Variants in NALCN observed in about 807,000 individuals in gnomAD.
NALCN encodes sodium leak channel, non-selective, also known as sodium leak channel NALCN.
A neutral mutation model predicts 225.3 loss-of-function variants in NALCN; 111 were observed. The observed-to-expected ratio is 0.49, with a 90% CI of 0.42 to 0.58. NALCN has a LOEUF of 0.58. Ranked by LOEUF, NALCN falls within the 20% of genes least tolerant of loss-of-function variation. The pLI is 0.00. For missense variants in NALCN, 1,378 were observed against 2,202.4 expected, an observed-to-expected ratio of 0.63 and a Z score of 7.49; for synonymous variants, 764 against 769.0, an observed-to-expected ratio of 0.99 and a Z score of 0.11.
At chr13:101,353,697 G>GTAT (rs1015145650) in intron 6 of NALCN, among the ~76,000 whole-genome samples, 3 of 152,134 alleles carry the variant, frequency 2.0e-5, no homozygotes, top group Admixed American at 6.5e-5. Context: ...GTAAAACTGA[G>GTAT]TATTTTAATA....
chr13:101,381,990 T>C (rs1022573387), intron 3 of NALCN, among the ~76,000 whole-genome samples: 3 of 152,164 alleles, frequency 2.0e-5, no homozygotes, highest in Non-Finnish European at 2.9e-5. Context: ...ATGTTAAAAT[T>C]GGAGCAATGA....
Position 101,176,284 on chromosome 13 carries a change from C to G in NALCN, c.1839+16G>C. The G allele has an allele frequency of 2.0e-6, 3 of 1,509,118 alleles. No homozygotes were observed. Among genetic ancestry groups the G allele is most frequent in the Non-Finnish European group, 2.6e-6 (3 of 1,134,552 alleles). The allele number at this position is 1,509,118 out of a possible 1,614,324, so 93.5% of individuals were successfully genotyped here. A position where few individuals can be genotyped will look rare whatever the true frequency, so the allele number is the denominator to read the frequency against. On this transcript the variant is annotated intron_variant, in intron 15 of 43. Coordinates refer to ENST00000251127, the MANE Select transcript of NALCN (RefSeq NM_052867.4). ...TTTTTGTCCTTTTTAAAAAAAATCCCCCACACACTACTTACTTGTTTAAGC... is the reference window on the plus strand; with the variant it reads ...TTTTTGTCCTTTTTAAAAAAAATCCGCCACACACTACTTACTTGTTTAAGC...
rs1194697441 is a variant in NALCN, at chr13:101,104,476, G to A, written c.2758-50C>T. The A allele has an allele frequency of 2.5e-6, 4 of 1,613,068 alleles. No homozygotes were observed. The highest frequency in any genetic ancestry group is 2.2e-5 in the East Asian group (1 of 44,844). The stretch of plus-strand genomic sequence containing the variant: ...GTTACAATGAACGGAAAAACAGCAG[G>A]TCAGTATTTTACCTCCTAGTTGTAA... On this transcript the variant is annotated intron_variant, in intron 24 of 43. Coordinates refer to ENST00000251127, the MANE Select transcript of NALCN (RefSeq NM_052867.4). The surrounding 1 kb of genome is among the most constrained non-coding windows in gnomAD (Gnocchi z 4.2).
intron 1 of NALCN, among the ~76,000 whole-genome samples, chr13:101,400,568 T>C (rs1412968025): frequency 1.5e-5 from 2 of 130,230 alleles, no homozygotes; most frequent in South Asian, 2.4e-4. Context: ...TGTGTGTGTG[T>C]GTGTGTGTGT....
intron 13 of NALCN, among the ~76,000 whole-genome samples, chr13:101,213,336 T>C (rs186993535): frequency 6.6e-6 from 1 of 152,240 alleles, no homozygotes; most frequent in Admixed American, 6.5e-5. Context: ...CCTAAAACCA[T>C]AAAAACCCTA....
chr13:101,098,862 G>A (rs1028922497), intron 27 of NALCN, among the ~76,000 whole-genome samples: 3 of 151,332 alleles, frequency 2.0e-5, no homozygotes, highest in South Asian at 4.2e-4. Context: ...CTTTTCAATC[G>A]TTCTGCTTGG....
At chr13:101,360,164 CTCTT>C (rs2046200315) in intron 6 of NALCN, among the ~76,000 whole-genome samples, 3 of 124,554 alleles carry the variant, frequency 2.4e-5, no homozygotes, top group Admixed American at 8.2e-5. Flanking sequence ...TTCTTTCTTT[CTCTT>C]TCTTCCTCTC....
intron 7 of NALCN, among the ~76,000 whole-genome samples, chr13:101,308,663 G>T (rs577170382): frequency 6.6e-6 from 1 of 152,304 alleles, no homozygotes; most frequent in East Asian, 1.9e-4. Flanking sequence ...TCTCAGAAAC[G>T]GCTGATGTTC....
At chr13:101,167,868 G>A (rs2038528337) in intron 15 of NALCN, among the ~76,000 whole-genome samples, 1 of 150,930 alleles carries the variant, frequency 6.6e-6, no homozygotes, top group South Asian at 2.1e-4. Context: ...CTGTTAAGTC[G>A]AATCATCGTA....
Position 101,151,641 on chromosome 13 carries a change from A to T in NALCN, c.1840-6745T>A, listed in dbSNP as rs1352101679. On this transcript the variant is annotated intron_variant, in intron 15 of 43. Coordinates refer to ENST00000251127, the MANE Select transcript of NALCN (RefSeq NM_052867.4). Reference sequence around the variant, plus strand: ...CTGAAGTCTCTTTGCTTCTTTACACAGTGGCTTTAGCTATTTTTTCTGTAT... The same window carrying T: ...CTGAAGTCTCTTTGCTTCTTTACACTGTGGCTTTAGCTATTTTTTCTGTAT... 2.6e-5 allele frequency among the ~76,000 whole-genome samples: 4 copies of T among 152,326 alleles called. No individual in the cohort carries two copies. In the East Asian group the frequency reaches 7.7e-4, roughly 29 times the overall value.
intron 3 of NALCN, among the ~76,000 whole-genome samples, chr13:101,386,080 C>T (rs2046978767): frequency 6.6e-6 from 1 of 151,878 alleles, no homozygotes; most frequent in South Asian, 2.1e-4. Context: ...TATTGTTGGG[C>T]ACATATAAAA....
intron 17 of NALCN, among the ~76,000 whole-genome samples, chr13:101,142,465 G>A (rs2037135340): frequency 6.6e-6 from 1 of 151,774 alleles, no homozygotes. Flanking sequence ...TTTTAAAAGT[G>A]AATAAATGAA....
chr13:101,345,947 A>G lies in NALCN; in HGVS notation c.645-527T>C, dbSNP rs945684237. On this transcript the variant is annotated intron_variant, in intron 6 of 43. Coordinates refer to ENST00000251127, the MANE Select transcript of NALCN (RefSeq NM_052867.4). ...CGAAGATGGATCATTTGGCTTACAT[A>G]TAAGAATGAGAAATGAGGAGATATA... Among the ~76,000 whole-genome samples, 4 of 147,688 alleles carry G rather than the reference A, an allele frequency of 2.7e-5. No individual in the cohort carries two copies. In the East Asian group the frequency reaches 6.0e-4, roughly 22 times the overall value.
At chr13:101,294,071 C>A (rs1413414496) in intron 7 of NALCN, among the ~76,000 whole-genome samples, 1 of 152,120 alleles carries the variant, frequency 6.6e-6, no homozygotes, top group East Asian at 1.9e-4. Context: ...GTGAAGGTCA[C>A]TGGTTAATGA....
chr13:101,163,216 A>ATT (rs2038274172), intron 15 of NALCN, among the ~76,000 whole-genome samples: 2 of 152,002 alleles, frequency 1.3e-5, no homozygotes, highest in Admixed American at 6.6e-5. Flanking sequence ...ATATATATAT[A>ATT]TTTTAATTGA....
intron 6 of NALCN, among the ~76,000 whole-genome samples, chr13:101,356,376 G>A (rs1314852972): frequency 6.6e-6 from 1 of 152,094 alleles, no homozygotes; most frequent in Non-Finnish European, 1.5e-5. Flanking sequence ...TATCACCACT[G>A]ACCCCACAGA....
intron 6 of NALCN, among the ~76,000 whole-genome samples, chr13:101,360,251 G>A (rs1450992019): frequency 4.4e-5 from 5 of 114,582 alleles, no homozygotes; most frequent in African/African-American, 6.7e-5. Flanking sequence ...TCCTTCCTTC[G>A]ATGGAGTTTC....
intron 14 of NALCN, chr13:101,181,057 T>G (rs763161697): frequency 1.7e-5 from 9 of 517,782 alleles, no homozygotes; most frequent in Non-Finnish European, 3.5e-5. Context: ...AGAGCCCATC[T>G]GGGCACATGG....
intron 39 of NALCN, 77 bp from the exon 40 acceptor site, chr13:101,065,638 A>G: frequency 6.8e-7 from 1 of 1,462,822 alleles, no homozygotes; most frequent in Non-Finnish European, 9.2e-7. Flanking sequence ...GAAAAAAAAA[A>G]AGGTGCTATT....
Sources: gnomAD v4.1 joint callset for allele counts (sites outside exome capture counted in the v4.1 genomes callset) on GRCh38, gnomAD v4.1.1 for gene constraint, Gnocchi (gnomAD v3.1) non-coding constraint, MANE v1.5 for transcripts, NCBI Gene and HGNC (gene_info 2026-07-23, HGNC 2026-07-21) for gene names.